Variants in EIF4ENIF1 observed in about 807,000 individuals in gnomAD.
The protein encoded by EIF4ENIF1 is eukaryotic translation initiation factor 4E transporter.
EIF4ENIF1 carries 23 observed loss-of-function variants against 110.5 expected under a neutral mutation model. That is an observed-to-expected ratio of 0.21 (90% CI 0.15 to 0.29). The LOEUF is 0.29. EIF4ENIF1 is among the 10% of genes least tolerant of loss of function. The pLI, the probability that EIF4ENIF1 is intolerant of heterozygous loss-of-function variation, is 1.00. For missense variants in EIF4ENIF1, 1,031 were observed against 1,221.1 expected (o/e 0.84, Z 2.32); for synonymous variants, 440 against 437.0 (o/e 1.01, Z -0.09).
intron 2 of EIF4ENIF1, among the ~76,000 whole-genome samples, chr22:31,486,228 T>C (rs7288464): frequency 0.79 from 119,619 of 151,062 alleles, 47,369 homozygotes; most frequent in African/African-American, 0.82. Context: ...CGAGATAGCA[T>C]CATTGCACTC....
At chr22:31,451,809 C>T (rs2050685554) in intron 10 of EIF4ENIF1, among the ~76,000 whole-genome samples, 1 of 152,000 alleles carries the variant, frequency 6.6e-6, no homozygotes, top group South Asian at 2.1e-4. Flanking sequence ...ACATTTTGTG[C>T]ATCCAACCTG....
chr22:31,476,998 AAGG>A (rs1465090841), intron 2 of EIF4ENIF1, among the ~76,000 whole-genome samples: 1,633 of 151,188 alleles, frequency 0.011, 12 homozygotes, highest in Middle Eastern at 0.021. Context: ...AAAAAAAAAA[AAGG>A]CAGGGCATGG....
intron 9 of EIF4ENIF1, 103 bp downstream of exon 9, chr22:31,455,033 A>G: frequency 1.0e-6 from 1 of 973,790 alleles, no homozygotes. Context: ...CCCAATATAT[A>G]TTTGACTTTT....
Position 31,463,943 on chromosome 22 carries a change from T to C in EIF4ENIF1, c.323A>G (p.Asp108Gly), listed in dbSNP as rs767640443. Residue 108 changes from aspartate (D) to glycine (G), a missense_variant, in exon 5 of 19, where the codon GAT becomes GGT. Around this residue, in one of 3 missense-constraint regions of EIF4ENIF1, gnomAD observed 704 missense variants for 879.7 expected, o/e 0.80. Coordinates refer to ENST00000330125, the MANE Select transcript of EIF4ENIF1 (RefSeq NM_019843.4). Reference sequence around the variant, plus strand: ...AGGGCTGAGAACAACATCTAAGTCATCTTCTTTCACACGCTCTCGTGGATC... The same window carrying C: ...AGGGCTGAGAACAACATCTAAGTCACCTTCTTTCACACGCTCTCGTGGATC... ...IVDPRERVKE[D>G]DLDVVLSPQR... is the part of the protein sequence containing the mutation. The C allele has an allele frequency of 5.6e-6, 9 of 1,613,472 alleles. No individual in the cohort carries two copies. In the Admixed American group the frequency reaches 1.0e-4, roughly 18 times the overall value.
intron 10 of EIF4ENIF1, among the ~76,000 whole-genome samples, 164 bp downstream of exon 10, chr22:31,453,980 T>C (rs1408201834): frequency 1.3e-5 from 2 of 151,970 alleles, no homozygotes; most frequent in African/African-American, 2.4e-5. Context: ...CAGTAACAAA[T>C]AGCATATCAA....
chr22:31,444,970 A>G (rs1460764333), intron 14 of EIF4ENIF1, among the ~76,000 whole-genome samples: 1 of 152,222 alleles, frequency 6.6e-6, no homozygotes, highest in Non-Finnish European at 1.5e-5. Flanking sequence ...TTAGGCACCA[A>G]CAAAGTACAA....
intron 7 of EIF4ENIF1, among the ~76,000 whole-genome samples, chr22:31,456,399 A>G (rs1425041052): frequency 1.3e-5 from 2 of 150,810 alleles, no homozygotes; most frequent in Non-Finnish European, 3.0e-5. Context: ...AATTTTTTGT[A>G]TTTTTAGTAG....
At position 31,441,550 on chromosome 22, in the gene EIF4ENIF1, GAA is replaced by G. The variant is rs771597260; in HGVS notation, c.2551+222_2551+223del. ...GTGAGACTTCTGTCTCTACAAAAAG[GAA>G]AAAAAAAAAAAAAAAAAAAAAGAAT... On this transcript the variant is annotated intron_variant, in intron 17 of 18. Transcript: ENST00000330125. Among the ~76,000 whole-genome samples the G allele has an allele frequency of 2.7e-3, 179 of 65,254 alleles. 2 individuals are homozygous for G. The highest frequency in any genetic ancestry group is 8.7e-3 in the African/African-American group (148 of 17,002). 42.8% of individuals were successfully genotyped at this position (65,254 alleles called of 152,430 possible).
At chr22:31,455,651 G>C (rs1000611391) in intron 8 of EIF4ENIF1, among the ~76,000 whole-genome samples, 1 of 152,054 alleles carries the variant, frequency 6.6e-6, no homozygotes, top group Non-Finnish European at 1.5e-5. Flanking sequence ...GCCTGCCTTG[G>C]CCTCCCAAAG....
chr22:31,460,896 G>T (rs2050971277), intron 6 of EIF4ENIF1, among the ~76,000 whole-genome samples: 1 of 152,198 alleles, frequency 6.6e-6, no homozygotes, highest in Admixed American at 6.5e-5. Context: ...CGTGAGCTAA[G>T]ATCGTGCCAC....
Position 31,489,794 on chromosome 22 carries a change from C to G in EIF4ENIF1, c.-128G>C, listed in dbSNP as rs1357626193. 1 of 151,992 alleles carries G rather than the reference C, an allele frequency of 6.6e-6. No individual in the cohort carries two copies. The highest frequency in any genetic ancestry group is 2.0e-4 in the South Asian group (1 of 4,886). 9.4% of individuals were successfully genotyped at this position (151,992 alleles called of 1,614,324 possible). On this transcript the variant is annotated 5_prime_UTR_variant, in exon 1 of 19. Transcript: ENST00000330125. ...CCGCTCCCCGCAGCCTTCGCTCTCG[C>G]GCCCCCACCCCGACCGGCTTGGGCT...
intron 17 of EIF4ENIF1, 80 bp downstream of exon 17, chr22:31,441,694 C>T: frequency 4.1e-6 from 5 of 1,233,010 alleles, no homozygotes; most frequent in Non-Finnish European, 5.6e-6. Flanking sequence ...AAATCTCCCA[C>T]ATTATAGCAC....
chr22:31,491,517 C>G (rs964642625), upstream of EIF4ENIF1, among the ~76,000 whole-genome samples: 2 of 152,178 alleles, frequency 1.3e-5, no homozygotes, highest in African/African-American at 4.8e-5. Flanking sequence ...CGCAGTATAC[C>G]TACTTTTTAG....
chr22:31,437,133 T>A (rs2050182401), downstream of EIF4ENIF1: 1 of 152,258 alleles, frequency 6.6e-6, no homozygotes, highest in Non-Finnish European at 1.5e-5. Flanking sequence ...CTTTTACCAC[T>A]GACCTCCCAC....
chr22:31,488,298 C>T (rs553169246), intron 2 of EIF4ENIF1, among the ~76,000 whole-genome samples: 257 of 152,214 alleles, frequency 1.7e-3, no homozygotes, highest in African/African-American at 5.7e-3. Flanking sequence ...GGCTTTAATC[C>T]TCACAGTACA....
At chr22:31,473,775 T>C (rs759729324) in intron 2 of EIF4ENIF1, among the ~76,000 whole-genome samples, 1 of 152,238 alleles carries the variant, frequency 6.6e-6, no homozygotes, top group Non-Finnish European at 1.5e-5. Flanking sequence ...AGGTATTCTC[T>C]AGTTTCTCTA....
intron 1 of EIF4ENIF1, 34 bp from the exon 2 acceptor site, chr22:31,488,779 G>T (rs187968794): frequency 1.1e-3 from 1,769 of 1,563,282 alleles, no homozygotes; most frequent in Non-Finnish European, 1.4e-3. Flanking sequence ...TTGTCACCGA[G>T]AACAGTAAGT....
chr22:31,467,871 C>A (rs1057346789), intron 4 of EIF4ENIF1, among the ~76,000 whole-genome samples: 122 of 152,030 alleles, frequency 8.0e-4, no homozygotes, highest in African/African-American at 2.9e-3. Context: ...TGAAAGAAAG[C>A]ATAATGAGAT....
At chr22:31,465,732 G>C (rs1297128655) in intron 4 of EIF4ENIF1, among the ~76,000 whole-genome samples, 2 of 152,180 alleles carry the variant, frequency 1.3e-5, no homozygotes, top group African/African-American at 4.8e-5. Flanking sequence ...GTTCATTGCA[G>C]CTTTGGTTAT....
Sources: gnomAD v4.1 joint callset for allele counts (sites outside exome capture counted in the v4.1 genomes callset) on GRCh38, gnomAD v4.1.1 for gene constraint, gnomAD v4.1.1 regional missense constraint, MANE v1.5 for transcripts, NCBI Gene and HGNC (gene_info 2026-07-23, HGNC 2026-07-21) for gene names.